Variants in CROCC2 observed in about 807,000 individuals in gnomAD.
CROCC2 encodes ciliary rootlet coiled-coil, rootletin family member 2.
A neutral mutation model predicts 177.6 loss-of-function variants in CROCC2; 163 were observed. The observed-to-expected ratio is 0.92, with a 90% CI of 0.81 to 1.05. The LOEUF (loss-of-function observed/expected upper bound fraction) is 1.05. CROCC2 is among the 50% of genes least tolerant of loss of function. The probability of loss-of-function intolerance (pLI) is 0.00; values close to 1 mark genes in which losing one functional copy is unlikely to be tolerated. For missense variants in CROCC2, 1,929 were observed against 1,797.8 expected, an observed-to-expected ratio of 1.07 and a Z score of -1.32; for synonymous variants, 904 against 787.3, an observed-to-expected ratio of 1.15 and a Z score of -2.48.
intron 28 of CROCC2, among the ~76,000 whole-genome samples, chr2:240,985,677 T>A (rs867942522): frequency 1.5e-4 from 4 of 26,514 alleles, no homozygotes; most frequent in African/African-American, 6.8e-4. Flanking sequence ...ACCCAGGCAC[T>A]CACTCCACAC....
chr2:240,976,961 T>G (rs563502805), intron 27 of CROCC2, among the ~76,000 whole-genome samples: 14 of 26,550 alleles, frequency 5.3e-4, no homozygotes, highest in Admixed American at 1.0e-3. Context: ...CCCTGCTCAG[T>G]CTCTGGGGTA....
chr2:240,912,332 G>T (rs1310411880), intron 1 of CROCC2, among the ~76,000 whole-genome samples: 2 of 152,146 alleles, frequency 1.3e-5, no homozygotes, highest in Middle Eastern at 3.2e-3. Flanking sequence ...CCATAAAGCT[G>T]CCCCACCTCA....
At chr2:240,992,997 C>T in intron 31 of CROCC2, 69 bp from the exon 32 acceptor site, 1 of 708,220 alleles carries the variant, frequency 1.4e-6, no homozygotes, top group Non-Finnish European at 2.6e-6. Context: ...CCTCCAGCCC[C>T]CGGCAGCAGG....
intron 15 of CROCC2, 50 bp from the exon 16 acceptor site, chr2:240,948,929 C>A: frequency 6.6e-7 from 1 of 1,522,194 alleles, no homozygotes; most frequent in Non-Finnish European, 8.9e-7. Context: ...GAGCATTTTA[C>A]ACGCAGGATC....
At chr2:240,942,673 C>T (rs945161726) in intron 14 of CROCC2, among the ~76,000 whole-genome samples, 1 of 152,114 alleles carries the variant, frequency 6.6e-6, no homozygotes, top group Admixed American at 6.6e-5. Flanking sequence ...TTGCCTTTAT[C>T]CAGTCCAGGA....
At position 240,962,046 on chromosome 2, in the gene CROCC2, A is replaced by G. The variant is rs1167707159; in HGVS notation, c.3088-1510A>G. 4.9e-4 allele frequency among the ~76,000 whole-genome samples: 69 copies of G among 141,402 alleles called. 1 individual carries two copies. Among genetic ancestry groups the G allele is most frequent in the African/African-American group, 8.0e-5 (3 of 37,636 alleles). The allele number at this position is 141,402 out of a possible 152,430, so 92.8% of individuals were successfully genotyped here. A position where few individuals can be genotyped will look rare whatever the true frequency, so the allele number is the denominator to read the frequency against. On this transcript the variant is annotated intron_variant, in intron 20 of 31. Coordinates refer to ENST00000690015, the MANE Select transcript of CROCC2 (RefSeq NM_001351305.2). Reference sequence around the variant, plus strand: ...CACACACACGCACGCACACACGCGCACACACATACACTCACACTCACACGC... The same window carrying G: ...CACACACACGCACGCACACACGCGCGCACACATACACTCACACTCACACGC...
chr2:240,960,369 C>T lies in CROCC2; in HGVS notation c.3087+925C>T, dbSNP rs1380747783. Among the ~76,000 whole-genome samples the T allele has an allele frequency of 6.6e-6, 1 of 152,142 alleles. No homozygotes were observed. Among genetic ancestry groups the T allele is most frequent in the Non-Finnish European group, 1.5e-5 (1 of 68,004 alleles). On this transcript the variant is annotated intron_variant, in intron 20 of 31. Transcript: ENST00000690015. This position sits in a 1 kb window ranked among gnomAD's most constrained non-coding sequence, Gnocchi z 5.0. ...CAAGGGCCCGAGGTTGACACGGAGG[C>T]CCCCAGGAGCCACATGATGGTGACG...
Position 240,959,229 on chromosome 2 carries a change from C to G in CROCC2, c.2944-72C>G. 2.7e-6 allele frequency: 4 copies of G among 1,508,836 alleles called. No individual in the cohort carries two copies. In the South Asian group the frequency reaches 5.1e-5, roughly 19 times the overall value. The allele number at this position is 1,508,836 out of a possible 1,614,324, so 93.5% of individuals were successfully genotyped here. A position where few individuals can be genotyped will look rare whatever the true frequency, so the allele number is the denominator to read the frequency against. On this transcript the variant is annotated intron_variant, in intron 19 of 31. Coordinates refer to ENST00000690015, the MANE Select transcript of CROCC2 (RefSeq NM_001351305.2). ...ACTGCAACACCTCTCTCTCCAGGGTCCTGGCCTTACCTCACCCTCCACTGC... is the reference window on the plus strand; with the variant it reads ...ACTGCAACACCTCTCTCTCCAGGGTGCTGGCCTTACCTCACCCTCCACTGC...
At chr2:240,926,043 C>T (rs1014692747) in intron 5 of CROCC2, among the ~76,000 whole-genome samples, 163 bp downstream of exon 5, 1 of 152,238 alleles carries the variant, frequency 6.6e-6, no homozygotes, top group Non-Finnish European at 1.5e-5. Flanking sequence ...CCGGCTTGGC[C>T]ACAGCAGTCT....
intron 18 of CROCC2, among the ~76,000 whole-genome samples, chr2:240,952,677 T>G (rs1469425062): frequency 6.6e-6 from 1 of 152,218 alleles, no homozygotes; most frequent in Non-Finnish European, 1.5e-5. Flanking sequence ...GCTGCCAGGC[T>G]GCACGTGAGT....
At chr2:240,990,568 G>A (rs960745310) in intron 30 of CROCC2, among the ~76,000 whole-genome samples, 2 of 150,828 alleles carry the variant, frequency 1.3e-5, no homozygotes, top group Non-Finnish European at 2.9e-5. Flanking sequence ...TTATCATTCT[G>A]AGTGTTTTGT....
chr2:240,929,218 C>T (rs540984423), intron 5 of CROCC2, among the ~76,000 whole-genome samples: 1 of 152,226 alleles, frequency 6.6e-6, no homozygotes, highest in Admixed American at 6.5e-5. Flanking sequence ...TTCAAGGTCT[C>T]GTTCTATTGT....
Position 240,949,022 on chromosome 2 carries a change from C to T in CROCC2, c.2407C>T (p.Gln803Ter). 3 of 1,550,076 alleles carry T rather than the reference C, an allele frequency of 1.9e-6. No homozygotes were observed. Among genetic ancestry groups the T allele is most frequent in the South Asian group, 2.4e-5 (2 of 84,026 alleles). The change falls in exon 16 of 32, where the codon CAG becomes TAG. Residue 803 changes from glutamine (Q) to a stop codon, truncating the protein, a stop_gained. Transcript: ENST00000690015. LOFTEE classifies it high-confidence loss of function. The surrounding 1 kb of genome is among the most constrained non-coding windows in gnomAD (Gnocchi z 4.5). ...GGAGAGCAGCCTCCTTGAGGCCCAA[C>T]AGCTGGCCACAAAGCTGCAGGAGCA... is the stretch of plus-strand genomic sequence containing the variant. ...SLESSLLEAQQLATKLQEQLE... is the reference protein window; with the variant it reads ...SLESSLLEAQ
chr2:240,914,373 G>A (rs2059305532), intron 1 of CROCC2, among the ~76,000 whole-genome samples: 1 of 152,222 alleles, frequency 6.6e-6, no homozygotes, highest in South Asian at 2.1e-4. Context: ...TGCAAGTGGA[G>A]AGCGTGGAGA....
In CROCC2 at chr2:240,963,951, C is replaced by A. The variant is rs1416627744; in HGVS notation, c.3305+178C>A. 6 of 654,960 alleles carry A rather than the reference C, an allele frequency of 9.2e-6. No homozygotes were observed. The African/African-American group carries it at 1.1e-4, about 12-fold the overall frequency. The allele number at this position is 654,960 out of a possible 1,614,324, so 40.6% of individuals were successfully genotyped here. On this transcript the variant is annotated intron_variant, in intron 21 of 31. Transcript: ENST00000690015. ...TGCCCAGTCCAAGAGGTCTGCAATGCTGGCCAGTGCGAGGGATGGCTGAGG... is the reference window on the plus strand; with the variant it reads ...TGCCCAGTCCAAGAGGTCTGCAATGATGGCCAGTGCGAGGGATGGCTGAGG...
chr2:240,962,566 C>G (rs1366668978), intron 20 of CROCC2, among the ~76,000 whole-genome samples: 1 of 152,182 alleles, frequency 6.6e-6, no homozygotes, highest in East Asian at 1.9e-4. Flanking sequence ...GGGAGCCAGG[C>G]CGGTCGGGGG....
chr2:240,932,212 G>A (rs1006431284), intron 7 of CROCC2, 106 bp from the exon 8 acceptor site: 17 of 625,766 alleles, frequency 2.7e-5, no homozygotes, highest in African/African-American at 1.1e-4. Flanking sequence ...ACCCAGCACC[G>A]GCAGGGGGGC....
chr2:240,966,498 C>T, intron 25 of CROCC2, 89 bp downstream of exon 25: 1 of 398,448 alleles, frequency 2.5e-6, no homozygotes, highest in South Asian at 1.3e-4. Flanking sequence ...CCGCGCGTCC[C>T]TGGGTCTGAG....
chr2:240,927,516 A>G (rs1021338627), intron 5 of CROCC2, among the ~76,000 whole-genome samples: 1 of 152,174 alleles, frequency 6.6e-6, no homozygotes, highest in African/African-American at 2.4e-5. Context: ...TTTCCAGTCC[A>G]TCAGTTTTCT....
Sources: gnomAD v4.1 joint callset for allele counts (sites outside exome capture counted in the v4.1 genomes callset) on GRCh38, gnomAD v4.1.1 for gene constraint, Gnocchi (gnomAD v3.1) non-coding constraint, MANE v1.5 for transcripts, NCBI Gene and HGNC (gene_info 2026-07-23, HGNC 2026-07-21) for gene names.